Variants in SLC13A3 observed in about 807,000 individuals in gnomAD.
The protein encoded by SLC13A3 is solute carrier family 13 member 3.
SLC13A3 carries 40 observed loss-of-function variants against 59.0 expected under a neutral mutation model. That is an observed-to-expected ratio of 0.68 (90% CI 0.53 to 0.88). SLC13A3 has a LOEUF of 0.88. SLC13A3 is among the 40% of genes least tolerant of loss of function. The pLI, the probability that SLC13A3 is intolerant of heterozygous loss-of-function variation, is 0.00. For synonymous variants in SLC13A3, 317 were observed against 330.3 expected, an observed-to-expected ratio of 0.96 and a Z score of 0.44; for missense variants, 699 against 783.2, an observed-to-expected ratio of 0.89 and a Z score of 1.28.
At chr20:46,583,766 C>T in intron 8 of SLC13A3, 97 bp from the exon 9 acceptor site, 4 of 1,536,612 alleles carry the variant, frequency 2.6e-6, no homozygotes, top group Middle Eastern at 1.7e-4. Flanking sequence ...GGGAATTAGG[C>T]CTGCTGTGAA....
intron 4 of SLC13A3, among the ~76,000 whole-genome samples, chr20:46,599,386 T>A (rs2062350007): frequency 6.6e-6 from 1 of 152,226 alleles, no homozygotes; most frequent in African/African-American, 2.4e-5. Context: ...ACGTGTAAGG[T>A]CCAGCCAACC....
upstream of SLC13A3, chr20:46,651,497 G>C (rs187320902): frequency 8.6e-5 from 116 of 1,349,920 alleles, no homozygotes; most frequent in African/African-American, 1.7e-3. Flanking sequence ...AAGCCTGGGG[G>C]AGGGTCGGGG....
intron 1 of SLC13A3, among the ~76,000 whole-genome samples, chr20:46,669,523 C>A (rs2063079520): frequency 6.6e-6 from 1 of 152,102 alleles, no homozygotes; most frequent in African/African-American, 2.4e-5. Context: ...TGTTGCTAAC[C>A]CTCAACTAGA....
intron 1 of SLC13A3, among the ~76,000 whole-genome samples, chr20:46,615,810 T>C (rs909125154): frequency 6.6e-5 from 10 of 152,232 alleles, no homozygotes; most frequent in African/African-American, 2.4e-4. Context: ...CATTCATTCA[T>C]GAAATTTATA....
chr20:46,666,186 T>C (rs563992748), intron 1 of SLC13A3, among the ~76,000 whole-genome samples: 186 of 152,338 alleles, frequency 1.2e-3, no homozygotes, highest in African/African-American at 4.2e-3. Context: ...TAATTTTATG[T>C]CAGGCATTTA....
In SLC13A3 at chr20:46,578,582, A is replaced by C. The variant is rs952153363; in HGVS notation, c.1220-2897T>G. On this transcript the variant is annotated intron_variant, in intron 9 of 12. Transcript: ENST00000279027. ...TCCCAGCTACTTGGGAGGTTGAGGC[A>C]TGAGAATCGCTTGAACCCGGGAGGC... 6.6e-5 allele frequency among the ~76,000 whole-genome samples: 10 copies of C among 152,220 alleles called. No individual in the cohort carries two copies. In the South Asian group the frequency reaches 2.1e-3, roughly 32 times the overall value.
chr20:46,597,083 TAAAG>T lies in SLC13A3; in HGVS notation c.609-745_609-742del, dbSNP rs547672075. On this transcript the variant is annotated intron_variant, in intron 4 of 12. Transcript: ENST00000279027. ...AAAATTAATAAGTAATAAATAAAAA[TAAAG>T]AAATGGCTATGTTTCATGAATATAA... Among the ~76,000 whole-genome samples the T allele has an allele frequency of 4.9e-3, 737 of 151,848 alleles. 5 individuals carry two copies. The highest frequency in any genetic ancestry group is 8.5e-3 in the Non-Finnish European group (575 of 67,794).
intron 1 of SLC13A3, among the ~76,000 whole-genome samples, chr20:46,649,497 G>A (rs887673307): frequency 2.6e-5 from 4 of 152,208 alleles, no homozygotes; most frequent in Admixed American, 6.5e-5. Context: ...CCTACTGAGA[G>A]AATAGAGACC....
At chr20:46,605,866 C>T (rs1008456555) in intron 3 of SLC13A3, among the ~76,000 whole-genome samples, 4 of 152,098 alleles carry the variant, frequency 2.6e-5, no homozygotes, top group African/African-American at 7.2e-5. Context: ...ATTAGGTAAA[C>T]GGCAATCCAG....
At position 46,649,645 on chromosome 20, in the gene SLC13A3, T is replaced by G. The variant is rs74489542; in HGVS notation, c.111+1666A>C. ...AACCTCTCACATCAATCCCAGAAGC[T>G]AGCGGTGTAATCGCTCCACTTACAG... On this transcript the variant is annotated intron_variant, in intron 1 of 12. Transcript: ENST00000279027. Among the ~76,000 whole-genome samples, 294 of 152,248 alleles carry G rather than the reference T, an allele frequency of 1.9e-3. 2 individuals are homozygous for G. The highest frequency in any genetic ancestry group is 6.8e-3 in the African/African-American group (284 of 41,548).
chr20:46,573,549 C>T (rs1042172160), intron 10 of SLC13A3, among the ~76,000 whole-genome samples: 2 of 152,234 alleles, frequency 1.3e-5, no homozygotes, highest in African/African-American at 4.8e-5. Flanking sequence ...GAGTCTGCTT[C>T]CTGAAAGCCC....
intron 1 of SLC13A3, among the ~76,000 whole-genome samples, chr20:46,626,901 C>A (rs145112571): frequency 7.5e-6 from 1 of 133,438 alleles, no homozygotes; most frequent in South Asian, 2.3e-4. Flanking sequence ...CCACGCACCC[C>A]CTTCTATCTC....
chr20:46,589,683 G>A (rs1376278478), intron 6 of SLC13A3, among the ~76,000 whole-genome samples: 1 of 152,186 alleles, frequency 6.6e-6, no homozygotes, highest in Non-Finnish European at 1.5e-5. Flanking sequence ...TGAGAGCCCA[G>A]AAATAAACCC....
At chr20:46,645,101 T>G (rs1004587957) in intron 1 of SLC13A3, among the ~76,000 whole-genome samples, 4 of 152,192 alleles carry the variant, frequency 2.6e-5, no homozygotes, top group African/African-American at 9.6e-5. Flanking sequence ...TGTTCCAGCT[T>G]CTGGAGGCCA....
chr20:46,669,181 T>C (rs2063077209), intron 1 of SLC13A3, among the ~76,000 whole-genome samples: 1 of 152,290 alleles, frequency 6.6e-6, no homozygotes, highest in Admixed American at 6.5e-5. Context: ...ATCAAGAAGT[T>C]ATTATATGTG....
chr20:46,653,679 T>A (rs1425007222), upstream of SLC13A3, among the ~76,000 whole-genome samples: 1 of 152,224 alleles, frequency 6.6e-6, no homozygotes, highest in Non-Finnish European at 1.5e-5. Flanking sequence ...ATTTGATTAA[T>A]CTGGATAGCT....
intron 1 of SLC13A3, among the ~76,000 whole-genome samples, chr20:46,669,278 AC>A (rs1437119581): frequency 6.7e-6 from 1 of 148,438 alleles, no homozygotes; most frequent in Non-Finnish European, 1.5e-5. Flanking sequence ...CCCCTCGTGG[AC>A]CCCCCGCCCT....
Position 46,578,172 on chromosome 20 carries a change from C to T in SLC13A3, c.1220-2487G>A, listed in dbSNP as rs539202536. Reference sequence around the variant, plus strand: ...GTCTCGATCTCCTGACCTCATGATCCGCCCGCCTCGGCCTCCCAAAGTGCT... The same window carrying T: ...GTCTCGATCTCCTGACCTCATGATCTGCCCGCCTCGGCCTCCCAAAGTGCT... On this transcript the variant is annotated intron_variant, in intron 9 of 12. Transcript: ENST00000279027. Among the ~76,000 whole-genome samples the T allele has an allele frequency of 9.1e-3, 1,373 of 151,640 alleles. 14 individuals are homozygous for T. The highest frequency in any genetic ancestry group is 0.012 in the Non-Finnish European group (823 of 67,856).
At chr20:46,659,134 G>A (rs1394599004) in intron 1 of SLC13A3, among the ~76,000 whole-genome samples, 3 of 152,082 alleles carry the variant, frequency 2.0e-5, no homozygotes, top group African/African-American at 7.2e-5. Flanking sequence ...TAATTGGAAT[G>A]TCTAATCAAT....
Sources: gnomAD v4.1 joint callset for allele counts (sites outside exome capture counted in the v4.1 genomes callset) on GRCh38, gnomAD v4.1.1 for gene constraint, MANE v1.5 for transcripts, NCBI Gene and HGNC (gene_info 2026-07-23, HGNC 2026-07-21) for gene names.